TM7SF3: variants seen among roughly 807,000 people sequenced by gnomAD.
TM7SF3 encodes seven span transmembrane protein.
In TM7SF3, 60 loss-of-function variants were observed where a neutral mutation model predicts 65.5. That is an observed-to-expected ratio of 0.92 (90% confidence interval 0.74 to 1.14). The LOEUF is 1.14. TM7SF3 is among the 50% of genes most tolerant of loss of function. The probability of loss-of-function intolerance (pLI) is 0.00; values close to 1 mark genes in which losing one functional copy is unlikely to be tolerated. For missense variants in TM7SF3, 623 were observed against 684.8 expected (o/e 0.91, Z 1.01); for synonymous variants, 264 against 259.6 (o/e 1.02, Z -0.16).
intron 1 of TM7SF3, among the ~76,000 whole-genome samples, chr12:27,005,477 A>G (rs1231943895): frequency 6.6e-6 from 1 of 152,244 alleles, no homozygotes; most frequent in Non-Finnish European, 1.5e-5. Context: ...ATTATTTTAG[A>G]AAATGTTCTA....
chr12:26,995,626 C>T (rs1263600922), intron 4 of TM7SF3, among the ~76,000 whole-genome samples: 3 of 152,222 alleles, frequency 2.0e-5, no homozygotes, highest in African/African-American at 7.2e-5. Flanking sequence ...GAGACCCTCA[C>T]TCCCAGTGTG....
intron 2 of TM7SF3, 86 bp from the exon 3 acceptor site, chr12:26,999,762 CA>C (rs1940756696): frequency 7.6e-7 from 1 of 1,316,770 alleles, no homozygotes; most frequent in African/African-American, 1.5e-5. Flanking sequence ...TGTCCTATTC[CA>C]AATCTTCCCA....
At position 26,973,880 on chromosome 12, in the gene TM7SF3, T is replaced by A. The variant is rs193285503; in HGVS notation, c.*85A>T. 4.2e-4 allele frequency: 635 copies of A among 1,507,710 alleles called. No homozygotes were observed. The highest frequency in any genetic ancestry group is 1.0e-3 in the Admixed American group (51 of 48,702). The allele number at this position is 1,507,710 out of a possible 1,614,324, so 93.4% of individuals were successfully genotyped here. The stretch of plus-strand genomic sequence containing the variant: ...AAAGAACAGATATATATGCCTGATC[T>A]CTTATTAGACTTGCACCAGAGACTG... On this transcript the variant is annotated 3_prime_UTR_variant, in exon 12 of 12. Transcript: ENST00000343028.
intron 9 of TM7SF3, chr12:26,979,538 C>A: frequency 2.0e-6 from 1 of 500,822 alleles, no homozygotes; most frequent in Non-Finnish European, 3.6e-6. Context: ...ACACATACCA[C>A]TTATCACAAC....
chr12:26,979,810 G>A lies in TM7SF3; in HGVS notation c.1163C>T (p.Ser388Leu), dbSNP rs749478217. ...CVGLVLGFLISSVTFFTPLGN... is the reference protein window; with the variant it reads ...CVGLVLGFLILSVTFFTPLGN... ...CAGTGGAGTAAAGAAAGTCACTGAC[G>A]AGATGAGGAACCCCAGCACTAGTCC... is the stretch of plus-strand genomic sequence containing the variant. Residue 388 changes from serine (S) to leucine (L), a missense_variant, in exon 9 of 12, where the codon TCG (serine) becomes TTG (leucine). Ser to Leu is a moderately radical substitution (Grantham distance 145). Coordinates refer to ENST00000343028, the MANE Select transcript of TM7SF3 (RefSeq NM_016551.3). The A allele has an allele frequency of 3.2e-5, 51 of 1,613,918 alleles. No individual in the cohort carries two copies. Among genetic ancestry groups the A allele is most frequent in the Non-Finnish European group, 4.1e-5 (48 of 1,179,994 alleles).
chr12:26,995,448 G>A (rs1198668490), intron 4 of TM7SF3, 40 bp from the exon 5 acceptor site: 1 of 1,606,030 alleles, frequency 6.2e-7, no homozygotes, highest in Admixed American at 1.7e-5. Flanking sequence ...GTCTCTTGTG[G>A]TGCAAGTCCC....
chr12:27,010,521 A>G (rs901337510), intron 1 of TM7SF3, among the ~76,000 whole-genome samples: 1 of 152,256 alleles, frequency 6.6e-6, no homozygotes, highest in Non-Finnish European at 1.5e-5. Flanking sequence ...AAACAGATTT[A>G]GCAAAAGAAG....
chr12:26,972,153 C>G lies in TM7SF3; in HGVS notation c.*1812G>C, dbSNP rs1939386426. Reference sequence around the variant, plus strand: ...AGCCCCTGAGTAGTAAGTATGCAACCCAGGGTGTCGGGTGCTTTCTTGTGG... The same window carrying G: ...AGCCCCTGAGTAGTAAGTATGCAACGCAGGGTGTCGGGTGCTTTCTTGTGG... On this transcript the variant is annotated 3_prime_UTR_variant, in exon 12 of 12. Coordinates refer to ENST00000343028, the MANE Select transcript of TM7SF3 (RefSeq NM_016551.3). The G allele has an allele frequency of 6.6e-6, 1 of 152,084 alleles. No individual in the cohort carries two copies. Among genetic ancestry groups the G allele is most frequent in the African/African-American group, 2.4e-5 (1 of 41,410 alleles). 9.4% of individuals were successfully genotyped at this position (152,084 alleles called of 1,614,324 possible). A position where few individuals can be genotyped will look rare whatever the true frequency, so the allele number is the denominator to read the frequency against.
At chr12:27,003,492 C>A in intron 1 of TM7SF3, 102 bp from the exon 2 acceptor site, 1 of 1,135,240 alleles carries the variant, frequency 8.8e-7, no homozygotes, top group East Asian at 2.5e-5. Flanking sequence ...CAGAAAAACT[C>A]CTTGAGGTAA....
intron 11 of TM7SF3, among the ~76,000 whole-genome samples, chr12:26,975,174 T>C (rs1463617440): frequency 6.6e-6 from 1 of 152,224 alleles, no homozygotes; most frequent in Non-Finnish European, 1.5e-5. Context: ...CCTTATTCCA[T>C]CCCCACCCAT....
chr12:27,007,807 G>T (rs554089008), intron 1 of TM7SF3, among the ~76,000 whole-genome samples: 1 of 152,112 alleles, frequency 6.6e-6, no homozygotes, highest in Non-Finnish European at 1.5e-5. Flanking sequence ...TTATTTGGAC[G>T]AATTCAATTG....
chr12:26,980,681 A>C (rs1939776712), intron 7 of TM7SF3, 35 bp from the exon 8 acceptor site: 5 of 1,170,012 alleles, frequency 4.3e-6, no homozygotes, highest in Non-Finnish European at 6.2e-6. Context: ...GAAAAAAGCA[A>C]AACAACAAAA....
intron 6 of TM7SF3, chr12:26,983,597 C>G (rs1939911968): frequency 2.2e-6 from 1 of 453,224 alleles, no homozygotes; most frequent in South Asian, 1.6e-5. Flanking sequence ...TACAGCACAG[C>G]TGAAACAAGA....
intron 9 of TM7SF3, among the ~76,000 whole-genome samples, chr12:26,977,134 G>C (rs1287437258): frequency 6.6e-6 from 1 of 152,244 alleles, no homozygotes; most frequent in Non-Finnish European, 1.5e-5. Flanking sequence ...CCAGGTCAGA[G>C]TGGAAGACTG....
chr12:26,990,779 C>A (rs1940321168), intron 5 of TM7SF3, 152 bp from the exon 6 acceptor site: 1 of 565,644 alleles, frequency 1.8e-6, no homozygotes, highest in Non-Finnish European at 3.0e-6. Context: ...GGTCAAAAGG[C>A]CATCTTACAT....
chr12:26,997,146 C>A (rs1293319928), intron 3 of TM7SF3, among the ~76,000 whole-genome samples: 1 of 152,188 alleles, frequency 6.6e-6, no homozygotes, highest in African/African-American at 2.4e-5. Flanking sequence ...CTACCCACCC[C>A]AGTCCTTGTG....
chr12:27,013,653 G>C (rs893328630), intron 1 of TM7SF3, among the ~76,000 whole-genome samples: 2 of 152,030 alleles, frequency 1.3e-5, no homozygotes, highest in African/African-American at 4.8e-5. Context: ...CTCTAGATTT[G>C]GGGGTGTAAA....
rs1277083382 is a variant in TM7SF3 at position 26,995,337 on chromosome 12, T to C, written c.590A>G (p.Tyr197Cys). The C allele has an allele frequency of 2.5e-6, 4 of 1,614,006 alleles. No individual in the cohort carries two copies. Among genetic ancestry groups the C allele is most frequent in the African/African-American group, 1.3e-5 (1 of 74,894 alleles). The change falls in exon 5 of 12, where the codon TAT (tyrosine) becomes TGT (cysteine). Residue 197 changes from tyrosine to cysteine, a missense_variant. Tyr to Cys is a radical substitution (Grantham distance 194). Transcript: ENST00000343028. ...DSRWRLQYDVYQYFLPENDLT... is the reference protein window; with the variant it reads ...DSRWRLQYDVCQYFLPENDLT... The stretch of plus-strand genomic sequence containing the variant: ...GTCATTCTCAGGCAGAAAATACTGA[T>C]AGACATCATACTGCAACCTCCACCT...
In TM7SF3 at chr12:26,973,899, G is replaced by C; in HGVS notation, c.*66C>G. On this transcript the variant is annotated 3_prime_UTR_variant, in exon 12 of 12. Transcript: ENST00000343028. ...CTGATCTCTTATTAGACTTGCACCA[G>C]AGACTGTTGAACCACTCCAGGCATG... is the stretch of plus-strand genomic sequence containing the variant. The C allele has an allele frequency of 6.4e-7, 1 of 1,562,328 alleles. No individual in the cohort carries two copies. The highest frequency in any genetic ancestry group is 8.6e-7 in the Non-Finnish European group (1 of 1,158,492).
Sources: allele counts gnomAD v4.1 joint callset (sites outside exome capture counted in the v4.1 genomes callset), GRCh38; gene constraint gnomAD v4.1.1; transcripts MANE v1.5; gene names NCBI Gene and HGNC (gene_info 2026-07-23, HGNC 2026-07-21).